Variants in FAM13C observed in about 807,000 individuals in gnomAD.
FAM13C encodes the protein family with sequence similarity 13 member C.
A neutral mutation model predicts 73.2 loss-of-function variants in FAM13C; 37 were observed. The observed-to-expected ratio is 0.51, with a 90% CI of 0.39 to 0.67. The LOEUF (loss-of-function observed/expected upper bound fraction) is 0.67, where lower values mean the gene tolerates loss of function less well. Ranked by LOEUF, FAM13C falls within the 30% of genes least tolerant of loss-of-function variation. The probability of loss-of-function intolerance (pLI) is 0.00; values close to 1 mark genes in which losing one functional copy is unlikely to be tolerated. For missense variants in FAM13C, 589 were observed against 715.6 expected, an observed-to-expected ratio of 0.82 and a Z score of 2.02; for synonymous variants, 246 against 260.9, an observed-to-expected ratio of 0.94 and a Z score of 0.55.
At chr10:59,304,348 C>T (rs184918133) in intron 4 of FAM13C, among the ~76,000 whole-genome samples, 9 of 152,224 alleles carry the variant, frequency 5.9e-5, no homozygotes, top group Admixed American at 5.9e-4. Flanking sequence ...TATGCATATG[C>T]TCTTTCATTT....
chr10:59,263,104 A>C (rs1027418913), intron 9 of FAM13C, among the ~76,000 whole-genome samples: 1 of 152,178 alleles, frequency 6.6e-6, no homozygotes, highest in African/African-American at 2.4e-5. Context: ...AGAGGATGGG[A>C]AAGGGTAGAT....
chr10:59,329,815 A>C (rs1352219758), intron 3 of FAM13C, among the ~76,000 whole-genome samples: 1 of 152,198 alleles, frequency 6.6e-6, no homozygotes, highest in Non-Finnish European at 1.5e-5. Context: ...TGTAGCAGGT[A>C]CTAAACTAGG....
At chr10:59,328,335 T>C (rs111461966) in intron 3 of FAM13C, among the ~76,000 whole-genome samples, 5 of 152,308 alleles carry the variant, frequency 3.3e-5, no homozygotes, top group African/African-American at 1.2e-4. Context: ...TAAACCAGAA[T>C]GGTGAAATAT....
At chr10:59,254,055 CA>C (rs1387284644) in intron 11 of FAM13C, 2 of 356,948 alleles carry the variant, frequency 5.6e-6, no homozygotes, top group Non-Finnish European at 1.0e-5. Flanking sequence ...TAGAAAATGC[CA>C]AACTGAAATC....
Position 59,362,547 on chromosome 10 carries a change from TCC to T in FAM13C, c.-89_-88del. On this transcript the variant is annotated 5_prime_UTR_variant, in exon 1 of 14. Coordinates refer to ENST00000618804, the MANE Select transcript of FAM13C (RefSeq NM_198215.4). ...CAAACATGGCATTGCAAGGCAAGTC[TCC>T]GGGCTCGCCCGGCACGCTCGCTCTA... 1 of 1,564,508 alleles carries T rather than the reference TCC, an allele frequency of 6.4e-7. No individual in the cohort carries two copies. The highest frequency in any genetic ancestry group is 8.7e-7 in the Non-Finnish European group (1 of 1,154,094).
In FAM13C at chr10:59,290,080, G is replaced by C. The variant is rs965671625; in HGVS notation, c.508-6633C>G. Among the ~76,000 whole-genome samples the C allele has an allele frequency of 3.9e-5, 6 of 152,298 alleles. No individual in the cohort carries two copies. In the South Asian group the frequency reaches 8.3e-4, roughly 21 times the overall value. ...GAGAAGTCTGTGAAACGTAGGTGTG[G>C]TTTTCTTTAAAAAGCTAATTTTTCC... On this transcript the variant is annotated intron_variant, in intron 5 of 13. Transcript: ENST00000618804.
intron 8 of FAM13C, 48 bp from the exon 9 acceptor site, chr10:59,264,214 G>C: frequency 2.9e-6 from 3 of 1,025,374 alleles, no homozygotes; most frequent in Non-Finnish European, 4.4e-6. Flanking sequence ...GAAGGAGGGA[G>C]AGGGTGGGGG....
In FAM13C at chr10:59,324,029, G is replaced by A; in HGVS notation, c.402C>T (p.Asn134=). ...AGTPAHESPQ[N]NAFKCQETVR... is the part of the protein sequence containing the mutation. ...CTGTTTCTTGGCACTTGAAGGCATT[G>A]TTTTGTGGACTCTCATGAGCTGGTG... The change falls in exon 4 of 14, where the codon AAC becomes AAT. Residue 134 remains asparagine (N), a synonymous_variant. Coordinates refer to ENST00000618804, the MANE Select transcript of FAM13C (RefSeq NM_198215.4). 1.2e-6 allele frequency: 2 copies of A among 1,614,064 alleles called. No homozygotes were observed. The highest frequency in any genetic ancestry group is 1.7e-4 in the Middle Eastern group (1 of 6,060).
chr10:59,348,455 G>A (rs911115247), intron 3 of FAM13C, among the ~76,000 whole-genome samples: 2 of 152,170 alleles, frequency 1.3e-5, no homozygotes, highest in Non-Finnish European at 2.9e-5. Flanking sequence ...AAGTCCTGGT[G>A]GAGCTTTGCC....
intron 1 of FAM13C, 58 bp from the exon 2 acceptor site, chr10:59,356,001 G>T (rs917674388): frequency 6.7e-7 from 1 of 1,483,610 alleles, no homozygotes; most frequent in Non-Finnish European, 9.4e-7. Flanking sequence ...AGCAGTAGTA[G>T]CAATAATCTA....
At chr10:59,264,041 A>T in intron 9 of FAM13C, 44 bp downstream of exon 9, 1 of 1,564,168 alleles carries the variant, frequency 6.4e-7, no homozygotes, top group Non-Finnish European at 8.8e-7. Context: ...CACTAGTTTA[A>T]CTGCTTCCTT....
rs1589334639 is a variant in FAM13C at position 59,251,744 on chromosome 10, T to C, written c.1533-68A>G. The C allele has an allele frequency of 3.2e-5, 39 of 1,221,766 alleles. No individual in the cohort carries two copies. The East Asian group carries it at 7.2e-4, about 23-fold the overall frequency. 75.7% of individuals were successfully genotyped at this position (1,221,766 alleles called of 1,614,324 possible). A position where few individuals can be genotyped will look rare whatever the true frequency, so the allele number is the denominator to read the frequency against. The stretch of plus-strand genomic sequence containing the variant: ...ATTGAGAGATCATCATGAGCAGATT[T>C]ATCTGTTCAGCCAAAAAAGCATCTA... On this transcript the variant is annotated intron_variant, in intron 12 of 13. Transcript: ENST00000618804.
Position 59,283,458 on chromosome 10 carries a change from A to T in FAM13C, c.508-11T>A. 5 of 1,613,996 alleles carry T rather than the reference A, an allele frequency of 3.1e-6. No individual in the cohort carries two copies. Among genetic ancestry groups the T allele is most frequent in the Non-Finnish European group, 4.2e-6 (5 of 1,179,864 alleles). On this transcript the variant is annotated splice_polypyrimidine_tract_variant and intron_variant, in intron 5 of 13. Transcript: ENST00000618804. ...CTGAGCAGCTTCTTCCTGGTTTGTT[A>T]AAAATGCAGAGCACAGATCAGATTC...
intron 4 of FAM13C, among the ~76,000 whole-genome samples, chr10:59,322,426 T>C (rs957702484): frequency 6.6e-6 from 1 of 152,138 alleles, no homozygotes; most frequent in African/African-American, 2.4e-5. Flanking sequence ...AAGTGGGACA[T>C]GAAAGATGGG....
In FAM13C at chr10:59,291,175, T is replaced by C. The variant is rs139528320; in HGVS notation, c.508-7728A>G. Among the ~76,000 whole-genome samples, 36 of 152,292 alleles carry C rather than the reference T, an allele frequency of 2.4e-4. No homozygotes were observed. The East Asian group carries it at 6.4e-3, about 27-fold the overall frequency. On this transcript the variant is annotated intron_variant, in intron 5 of 13. Transcript: ENST00000618804. ...GACTCCCTCATTGCCTTTTTATCCT[T>C]CGGTTGGTTCCCTTGAAAGCTGCCC...
chr10:59,303,552 T>C (rs1847847949), intron 4 of FAM13C, among the ~76,000 whole-genome samples: 1 of 152,244 alleles, frequency 6.6e-6, no homozygotes, highest in Admixed American at 6.5e-5. Flanking sequence ...AATTTCATCC[T>C]ATCTCTTAAC....
chr10:59,320,451 C>T (rs1393913551), intron 4 of FAM13C, among the ~76,000 whole-genome samples: 1 of 152,096 alleles, frequency 6.6e-6, no homozygotes, highest in African/African-American at 2.4e-5. Context: ...CTGAGGTTGG[C>T]TCTGTTAAGG....
intron 10 of FAM13C, among the ~76,000 whole-genome samples, chr10:59,262,179 A>G (rs751329246): frequency 2.4e-4 from 37 of 152,136 alleles, no homozygotes; most frequent in South Asian, 2.1e-4. Flanking sequence ...AGAAAGGGAT[A>G]TGATATACCC....
intron 5 of FAM13C, 122 bp from the exon 6 acceptor site, chr10:59,283,569 G>T: frequency 2.1e-6 from 2 of 953,450 alleles, no homozygotes; most frequent in Non-Finnish European, 3.4e-6. Context: ...ACAACAGTGT[G>T]TCCGCAGCTC....
Sources: gnomAD v4.1 joint callset for allele counts (sites outside exome capture counted in the v4.1 genomes callset) on GRCh38, gnomAD v4.1.1 for gene constraint, MANE v1.5 for transcripts, NCBI Gene and HGNC (gene_info 2026-07-23, HGNC 2026-07-21) for gene names.